The following EYS variants were observed in gnomAD, a reference collection of about 807,000 sequenced individuals.
EYS encodes the protein EGF-like photoreceptor maintenance factor, also known as protein eyes shut homolog.
In EYS, 250 loss-of-function variants were observed where a neutral mutation model predicts 282.1. The ratio of observed to expected loss-of-function variants is 0.89; its 90% CI spans 0.80 to 0.98. The LOEUF (loss-of-function observed/expected upper bound fraction) is 0.98, where lower values mean the gene tolerates loss of function less well. EYS is among the 50% of genes least tolerant of loss of function. EYS has a pLI of 0.00. For missense variants in EYS, 4,016 were observed against 3,709.0 expected (o/e 1.08, Z -2.15); for synonymous variants, 1,355 against 1,282.9 (o/e 1.06, Z -1.20).
intron 4 of EYS, among the ~76,000 whole-genome samples, chr6:65,494,130 G>C (rs190162431): frequency 6.6e-6 from 1 of 152,192 alleles, no homozygotes; most frequent in African/African-American, 2.4e-5. Context: ...TATTAAACAT[G>C]TTTCTAAGAG....
chr6:64,087,367 G>A (rs1372605557), intron 31 of EYS, among the ~76,000 whole-genome samples: 1 of 152,082 alleles, frequency 6.6e-6, no homozygotes, highest in Admixed American at 6.5e-5. Context: ...CCCCAAGTTA[G>A]GAGTTGCACA....
intron 2 of EYS, among the ~76,000 whole-genome samples, chr6:65,630,220 A>G (rs1766863269): frequency 6.6e-6 from 1 of 152,140 alleles, no homozygotes; most frequent in African/African-American, 2.4e-5. Flanking sequence ...ACTATGTAAT[A>G]TTTGGTAGGG....
chr6:64,335,443 T>C (rs1364775437), intron 29 of EYS, among the ~76,000 whole-genome samples: 3 of 152,074 alleles, frequency 2.0e-5, no homozygotes, highest in Non-Finnish European at 4.4e-5. Flanking sequence ...GCAAGACATA[T>C]TTCTCTCAAG....
intron 31 of EYS, among the ~76,000 whole-genome samples, chr6:64,151,363 A>ATATATATATATATAT (rs1491135650): frequency 6.4e-5 from 4 of 62,852 alleles, no homozygotes; most frequent in Non-Finnish European, 1.3e-4. Flanking sequence ...ATATATATAT[A>ATATATATATATATAT]ATTTTTTTTT....
At chr6:64,510,269 C>T (rs1311623809) in intron 26 of EYS, among the ~76,000 whole-genome samples, 1 of 151,952 alleles carries the variant, frequency 6.6e-6, no homozygotes, top group Admixed American at 6.6e-5. Flanking sequence ...TGAATATGTA[C>T]TTTATCATGA....
chr6:65,422,280 A>G (rs1224251591), intron 5 of EYS, among the ~76,000 whole-genome samples: 1 of 151,924 alleles, frequency 6.6e-6, no homozygotes, highest in Non-Finnish European at 1.5e-5. Context: ...ATCTAATCTC[A>G]AGAAGTTATT....
chr6:65,534,882 T>C (rs756316575), intron 2 of EYS, among the ~76,000 whole-genome samples: 41 of 152,130 alleles, frequency 2.7e-4, no homozygotes, highest in Admixed American at 1.5e-3. Flanking sequence ...TCTACACTCA[T>C]TTACCTGATT....
intron 24 of EYS, among the ~76,000 whole-genome samples, chr6:64,604,257 T>A (rs1016067965): frequency 3.9e-5 from 6 of 152,028 alleles, no homozygotes; most frequent in Non-Finnish European, 1.5e-5. Context: ...TAGGGGAGGA[T>A]GATAATCATG....
intron 5 of EYS, among the ~76,000 whole-genome samples, chr6:65,471,126 G>A (rs1235592292): frequency 1.1e-4 from 17 of 150,462 alleles, no homozygotes; most frequent in African/African-American, 3.9e-4. Context: ...GACAGAGCAC[G>A]ACGCCGTCTC....
chr6:64,658,236 A>T (rs962815171), intron 22 of EYS, among the ~76,000 whole-genome samples: 3 of 151,974 alleles, frequency 2.0e-5, no homozygotes, highest in African/African-American at 7.3e-5. Context: ...TGCATTGATT[A>T]TTCTAGTTAT....
intron 13 of EYS, among the ~76,000 whole-genome samples, chr6:65,010,974 C>T (rs1038022487): frequency 3.9e-5 from 6 of 152,086 alleles, no homozygotes; most frequent in African/African-American, 1.4e-4. Flanking sequence ...GATATTGAAG[C>T]CAAAAGAGCC....
At chr6:65,536,165 A>G (rs984431614) in intron 2 of EYS, among the ~76,000 whole-genome samples, 4 of 152,102 alleles carry the variant, frequency 2.6e-5, no homozygotes, top group African/African-American at 9.7e-5. Flanking sequence ...TCATACGACT[A>G]TAGAAGACAA....
At chr6:64,668,617 T>A (rs1175837332) in intron 22 of EYS, among the ~76,000 whole-genome samples, 1 of 135,324 alleles carries the variant, frequency 7.4e-6, no homozygotes, top group Non-Finnish European at 1.5e-5. Context: ...TGGGCTGGAG[T>A]GCAGTCACGC....
chr6:64,693,857 T>C (rs1008856214), intron 22 of EYS, among the ~76,000 whole-genome samples: 1 of 152,118 alleles, frequency 6.6e-6, no homozygotes, highest in African/African-American at 2.4e-5. Context: ...CCTCCAAACA[T>C]ACATCAAACT....
intron 1 of EYS, among the ~76,000 whole-genome samples, chr6:65,656,742 C>T (rs1240943405): frequency 6.6e-6 from 1 of 151,768 alleles, no homozygotes; most frequent in African/African-American, 2.4e-5. Flanking sequence ...GAAGCTGCAG[C>T]AAGTTATTCA....
At chr6:63,753,212 T>G (rs982326786) in intron 41 of EYS, among the ~76,000 whole-genome samples, 1 of 149,364 alleles carries the variant, frequency 6.7e-6, no homozygotes, top group African/African-American at 2.5e-5. Flanking sequence ...GCTATTCTTA[T>G]GCTATTTGGA....
chr6:65,615,899 A>C (rs1766179727), intron 2 of EYS, among the ~76,000 whole-genome samples: 1 of 151,710 alleles, frequency 6.6e-6, no homozygotes, highest in African/African-American at 2.4e-5. Flanking sequence ...GCACCACTGC[A>C]CTCCAGCCTG....
intron 1 of EYS, among the ~76,000 whole-genome samples, chr6:65,665,035 T>C (rs914583364): frequency 2.0e-5 from 3 of 152,158 alleles, no homozygotes; most frequent in Non-Finnish European, 2.9e-5. Context: ...GTACCCAGTT[T>C]CCTCCTTCAG....
intron 29 of EYS, among the ~76,000 whole-genome samples, chr6:64,346,436 G>T (rs997451169): frequency 6.6e-6 from 1 of 151,736 alleles, no homozygotes; most frequent in African/African-American, 2.4e-5. Flanking sequence ...ATCATTCTCA[G>T]CAAACTATCA....
Sources: allele counts gnomAD v4.1 joint callset (sites outside exome capture counted in the v4.1 genomes callset), GRCh38; gene constraint gnomAD v4.1.1; transcripts MANE v1.5; gene names NCBI Gene and HGNC (gene_info 2026-07-23, HGNC 2026-07-21).